The following HELLS variants were observed in gnomAD, a reference collection of about 807,000 sequenced individuals.
HELLS encodes helicase, lymphoid specific, also known as lymphoid-specific helicase.
Under a neutral mutation model 120.0 loss-of-function variants are expected in HELLS, and 32 were observed. That is an observed-to-expected ratio of 0.27 (90% CI 0.20 to 0.36). The LOEUF (loss-of-function observed/expected upper bound fraction) is 0.36, where lower values mean the gene tolerates loss of function less well. HELLS is among the 10% of genes least tolerant of loss of function. The pLI is 1.00. For synonymous variants in HELLS, 341 were observed against 323.4 expected (o/e 1.05, Z -0.58); for missense variants, 650 against 993.4 (o/e 0.65, Z 4.65).
chr10:94,578,665 T>TTTC (rs1844645351), intron 10 of HELLS, among the ~76,000 whole-genome samples: 1 of 152,204 alleles, frequency 6.6e-6, no homozygotes, highest in African/African-American at 2.4e-5. Flanking sequence ...CTTGGTTGGC[T>TTTC]GGGCAACCAA....
chr10:94,550,615 C>T (rs563791184), intron 2 of HELLS, among the ~76,000 whole-genome samples: 2 of 152,046 alleles, frequency 1.3e-5, no homozygotes, highest in Non-Finnish European at 2.9e-5. Context: ...GCTGGCCAGG[C>T]GCGGTGGCTC....
Position 94,573,612 on chromosome 10 carries a change from G to GC in HELLS, c.478-347dup, listed in dbSNP as rs1844290921. Among the ~76,000 whole-genome samples, 3 of 151,972 alleles carry GC rather than the reference G, an allele frequency of 2.0e-5. No homozygotes were observed. In the East Asian group the frequency reaches 5.8e-4, roughly 29 times the overall value. Reference sequence around the variant, plus strand: ...GTAGCTGGGATACAGGCAGTTGCGTGCAACCACACCCAGCTAATTTTTTGT... The same window carrying GC: ...GTAGCTGGGATACAGGCAGTTGCGTGCCAACCACACCCAGCTAATTTTTTGT... On this transcript the variant is annotated intron_variant, in intron 7 of 21. Transcript: ENST00000348459.
At position 94,589,144 on chromosome 10, in the gene HELLS, G is replaced by A. The variant is rs1313155344; in HGVS notation, c.1488+754G>A. ...GCCTGGGCAGCAAGAGCGAAACTCC[G>A]TCTCAAAAAAAATAAATAAAAAAAA... On this transcript the variant is annotated intron_variant, in intron 13 of 21. Transcript: ENST00000348459. Among the ~76,000 whole-genome samples, 8 of 151,560 alleles carry A rather than the reference G, an allele frequency of 5.3e-5. No individual in the cohort carries two copies. In the East Asian group the frequency reaches 1.2e-3, roughly 22 times the overall value.
At chr10:94,563,474 T>C (rs1843650183) in intron 6 of HELLS, among the ~76,000 whole-genome samples, 1 of 152,056 alleles carries the variant, frequency 6.6e-6, no homozygotes, top group Non-Finnish European at 1.5e-5. Context: ...CCTTTCTAGC[T>C]TCCTTCTTTT....
chr10:94,601,011 G>A (rs938375404), intron 21 of HELLS, among the ~76,000 whole-genome samples: 2 of 152,120 alleles, frequency 1.3e-5, no homozygotes, highest in African/African-American at 4.8e-5. Flanking sequence ...CTGATGAACA[G>A]ACAAGGATGA....
At chr10:94,611,752 G>A (rs1043781124) in exon 10 of HELLS, 1 of 152,178 alleles carries the variant, frequency 6.6e-6, no homozygotes, top group Non-Finnish European at 1.5e-5. Flanking sequence ...CTAGTTCAGA[G>A]TGATTGGCTC....
intron 7 of HELLS, among the ~76,000 whole-genome samples, chr10:94,573,411 A>G (rs924036444): frequency 6.6e-6 from 1 of 152,172 alleles, no homozygotes; most frequent in African/African-American, 2.4e-5. Context: ...TTTCAAAAGT[A>G]TGTGCCTGAT....
chr10:94,555,453 A>AT (rs1248266274), intron 3 of HELLS, among the ~76,000 whole-genome samples: 2 of 152,144 alleles, frequency 1.3e-5, no homozygotes, highest in Admixed American at 6.5e-5. Context: ...AAATAAATAA[A>AT]AAAAACCCCA....
intron 19 of HELLS, 38 bp from the exon 20 acceptor site, chr10:94,596,822 A>G: frequency 9.3e-7 from 1 of 1,075,752 alleles, no homozygotes. Context: ...GTAGTTTTAA[A>G]AGGAATTTTA....
intron 15 of HELLS, among the ~76,000 whole-genome samples, chr10:94,591,277 A>G (rs1408074857): frequency 6.6e-6 from 1 of 152,210 alleles, no homozygotes; most frequent in Non-Finnish European, 1.5e-5. Context: ...TATCATTAAT[A>G]TTTGGCTTAT....
intron 11 of HELLS, 63 bp from the exon 12 acceptor site, chr10:94,582,900 C>T: frequency 4.7e-6 from 4 of 853,528 alleles, no homozygotes; most frequent in Non-Finnish European, 7.5e-6. Flanking sequence ...AATGATAAAT[C>T]ATGTATCATG....
chr10:94,569,203 G>A (rs1453833670), intron 6 of HELLS: 2 of 146,440 alleles, frequency 1.4e-5, no homozygotes, highest in African/African-American at 2.5e-5. Context: ...TTTTTCTTAA[G>A]GTGGAGTCTC....
chr10:94,612,728 C>CT (rs1447941402), exon 10 of HELLS: 1 of 152,168 alleles, frequency 6.6e-6, no homozygotes, highest in East Asian at 1.9e-4. Flanking sequence ...GAGTTTGAAA[C>CT]TAGTCTGGTC....
At chr10:94,597,774 G>A (rs1845809419) in intron 21 of HELLS, among the ~76,000 whole-genome samples, 1 of 152,080 alleles carries the variant, frequency 6.6e-6, no homozygotes, top group Non-Finnish European at 1.5e-5. Context: ...TTCAGGTGTT[G>A]TGCCCACCCC....
chr10:94,566,672 CAG>C (rs1428579241), intron 6 of HELLS, among the ~76,000 whole-genome samples: 2 of 149,188 alleles, frequency 1.3e-5, no homozygotes, highest in African/African-American at 4.9e-5. Context: ...TTTTTTAAGA[CAG>C]AGTTTCACTG....
At chr10:94,553,252 C>CTT (rs773880491) in intron 2 of HELLS, among the ~76,000 whole-genome samples, 1 of 144,740 alleles carries the variant, frequency 6.9e-6, no homozygotes, top group African/African-American at 2.5e-5. Context: ...TTACACATAC[C>CTT]TTTTTTTTTT....
intron 12 of HELLS, among the ~76,000 whole-genome samples, chr10:94,587,229 C>G (rs1163846668): frequency 6.6e-6 from 1 of 152,008 alleles, no homozygotes; most frequent in African/African-American, 2.4e-5. Flanking sequence ...CTTAAAACCT[C>G]ATTCTATTAA....
chr10:94,553,746 C>G (rs1039436153), intron 2 of HELLS, among the ~76,000 whole-genome samples: 1 of 151,798 alleles, frequency 6.6e-6, no homozygotes, highest in Admixed American at 6.6e-5. Context: ...TGGGGTTTCT[C>G]CATGTTGGTC....
chr10:94,607,689 G>T (rs1482595036), intron 8 of HELLS, among the ~76,000 whole-genome samples: 2 of 152,044 alleles, frequency 1.3e-5, no homozygotes, highest in African/African-American at 4.8e-5. Flanking sequence ...AATGGTATAT[G>T]ATTTTTTTAG....
Sources: allele counts gnomAD v4.1 joint callset (sites outside exome capture counted in the v4.1 genomes callset), GRCh38; gene constraint gnomAD v4.1.1; transcripts MANE v1.5; gene names NCBI Gene and HGNC (gene_info 2026-07-23, HGNC 2026-07-21).